ALG13: variants seen among roughly 807,000 people sequenced by gnomAD.
ALG13 encodes the protein UDP-N-acetylglucosamine transferase subunit ALG13.
A neutral mutation model predicts 87.8 loss-of-function variants in ALG13; 11 were observed. That is an observed-to-expected ratio of 0.13 (90% CI 0.08 to 0.21). The LOEUF (loss-of-function observed/expected upper bound fraction) is 0.21, where lower values mean the gene tolerates loss of function less well. ALG13 is among the 10% of genes least tolerant of loss of function. The probability of loss-of-function intolerance (pLI) is 1.00; values close to 1 mark genes in which losing one functional copy is unlikely to be tolerated. For synonymous variants in ALG13, 320 were observed against 306.3 expected (o/e 1.04, Z -0.47); for missense variants, 756 against 866.1 (o/e 0.87, Z 1.60).
intron 3 of ALG13, among the ~76,000 whole-genome samples, chrX:111,706,178 C>A (rs1938729299): frequency 9.0e-6 from 1 of 110,627 alleles, no homozygotes; most frequent in African/African-American, 3.3e-5. Flanking sequence ...TACAGGCGCC[C>A]ACCACCACGC....
chrX:111,747,354 T>C (rs1944334817), intron 24 of ALG13, among the ~76,000 whole-genome samples: 1 of 112,338 alleles, frequency 8.9e-6, no homozygotes, highest in Non-Finnish European at 1.9e-5. Flanking sequence ...CTTAGCAATA[T>C]ATATTTAAGT....
At chrX:111,702,561 C>G (rs1304778659) in intron 3 of ALG13, among the ~76,000 whole-genome samples, 1 of 111,617 alleles carries the variant, frequency 9.0e-6, no homozygotes. Flanking sequence ...TCAAACACAT[C>G]GGGTTATCTA....
intron 3 of ALG13, chrX:111,690,539 A>G (rs1464340516): frequency 1.2e-5 from 3 of 258,238 alleles, no homozygotes; most frequent in African/African-American, 8.9e-5. Flanking sequence ...TGGAACATTT[A>G]AAAGTAGTCA....
chrX:111,728,451 C>A, intron 19 of ALG13, 146 bp downstream of exon 19: 1 of 676,198 alleles, frequency 1.5e-6, no homozygotes, highest in Non-Finnish European at 2.2e-6. Flanking sequence ...TTAATGCTTG[C>A]TGGGTTTTTG....
At chrX:111,740,399 T>C (rs1459642776) in intron 23 of ALG13, among the ~76,000 whole-genome samples, 2 of 111,515 alleles carry the variant, frequency 1.8e-5, no homozygotes, top group East Asian at 5.6e-4. Flanking sequence ...TGAACTTGAA[T>C]TAGAAGTATC....
At chrX:111,705,482 A>G (rs771589977) in intron 3 of ALG13, among the ~76,000 whole-genome samples, 5 of 111,780 alleles carry the variant, frequency 4.5e-5, no homozygotes, top group Non-Finnish European at 9.4e-5. Context: ...TTTAATTTTG[A>G]TAAAATCGAG....
chrX:111,735,198 T>C (rs1943119551), intron 22 of ALG13, 76 bp downstream of exon 22: 2 of 653,772 alleles, frequency 3.1e-6, no homozygotes, highest in African/African-American at 4.4e-5. Context: ...TCATTTACCT[T>C]CATCATACTT....
Position 111,748,864 on chromosome X carries a change from A to G in ALG13, c.2933-3926A>G, listed in dbSNP as rs113314434. 5.6e-3 allele frequency among the ~76,000 whole-genome samples: 626 copies of G among 111,101 alleles called. 7 individuals carry two copies. Among genetic ancestry groups the G allele is most frequent in the African/African-American group, 0.019 (576 of 30,545 alleles). ...TTCGGAAGCCAAGGCAGGCAGATCAATTGAGGTCAGGAGTTCGAGTCCAGC... is the reference window on the plus strand; with the variant it reads ...TTCGGAAGCCAAGGCAGGCAGATCAGTTGAGGTCAGGAGTTCGAGTCCAGC... On this transcript the variant is annotated intron_variant, in intron 24 of 26. Coordinates refer to ENST00000394780, the MANE Select transcript of ALG13 (RefSeq NM_001099922.3).
intron 1 of ALG13, chrX:111,681,576 T>A: frequency 1.0e-6 from 1 of 954,115 alleles, no homozygotes; most frequent in Non-Finnish European, 1.3e-6. Context: ...GCCCCCGCGC[T>A]CTATTCTCCG....
intron 25 of ALG13, among the ~76,000 whole-genome samples, chrX:111,755,861 A>G (rs1266392494): frequency 8.9e-6 from 1 of 112,557 alleles, no homozygotes; most frequent in Non-Finnish European, 1.9e-5. Flanking sequence ...CAGTGTGGTA[A>G]TTCCTCAAGG....
chrX:111,721,553 G>C (rs1349470128), intron 11 of ALG13, 50 bp from the exon 12 acceptor site: 1 of 697,708 alleles, frequency 1.4e-6, no homozygotes. Context: ...CTTCTTCATA[G>C]AAGGAAGACT....
chrX:111,699,254 G>A (rs1411425983), intron 3 of ALG13, among the ~76,000 whole-genome samples: 1 of 108,072 alleles, frequency 9.3e-6, no homozygotes, highest in Non-Finnish European at 1.9e-5. Flanking sequence ...TTTTTTTTTC[G>A]AGTTATTTGA....
rs1431921233 is a variant in ALG13, at chrX:111,701,687, T to G, written c.384-6340T>G. Among the ~76,000 whole-genome samples, 5 of 111,781 alleles carry G rather than the reference T, an allele frequency of 4.5e-5. No individual in the cohort carries two copies. The Admixed American group carries it at 4.7e-4, about 11-fold the overall frequency. ...ATTTTTCTAGTCTCTTTCATTTATTTATGCTCTGATCTTTGTTTCCTTCCT... is the reference window on the plus strand; with the variant it reads ...ATTTTTCTAGTCTCTTTCATTTATTGATGCTCTGATCTTTGTTTCCTTCCT... On this transcript the variant is annotated intron_variant, in intron 3 of 26. Coordinates refer to ENST00000394780, the MANE Select transcript of ALG13 (RefSeq NM_001099922.3).
At chrX:111,731,956 C>A (rs1318294087) in intron 21 of ALG13, among the ~76,000 whole-genome samples, 2 of 111,615 alleles carry the variant, frequency 1.8e-5, no homozygotes, top group Admixed American at 9.5e-5. Context: ...CATCTTAATA[C>A]ACTCGGGTTT....
chrX:111,757,573 C>T lies in ALG13; in HGVS notation c.2974-15C>T. On this transcript the variant is annotated splice_polypyrimidine_tract_variant and intron_variant, in intron 25 of 26. Transcript: ENST00000394780. ...GTGAAGTTTCTTATTTTTTTGTTGC[C>T]CTTTCTTGCTCAAGTGCTATTACCA... The T allele has an allele frequency of 8.6e-7, 1 of 1,167,114 alleles. No homozygotes were observed. The highest frequency in any genetic ancestry group is 1.1e-6 in the Non-Finnish European group (1 of 873,023).
At chrX:111,749,627 T>A (rs916482366) in intron 24 of ALG13, among the ~76,000 whole-genome samples, 1 of 110,246 alleles carries the variant, frequency 9.1e-6, no homozygotes, top group African/African-American at 3.3e-5. Context: ...AGTATACCCG[T>A]CAATTTATTT....
intron 3 of ALG13, among the ~76,000 whole-genome samples, chrX:111,693,260 A>ATT (rs58191343): frequency 1.3e-3 from 86 of 65,323 alleles, no homozygotes; most frequent in Middle Eastern, 0.019. Context: ...GATGCTATTT[A>ATT]TTTTTTTTTT....
At chrX:111,750,295 AT>A (rs1944602111) in intron 24 of ALG13, among the ~76,000 whole-genome samples, 1 of 111,611 alleles carries the variant, frequency 9.0e-6, no homozygotes, top group Admixed American at 9.5e-5. Context: ...TATTCTGGAC[AT>A]TTCATGTAAA....
intron 8 of ALG13, among the ~76,000 whole-genome samples, chrX:111,714,031 T>A (rs1402454861): frequency 8.9e-6 from 1 of 112,062 alleles, no homozygotes; most frequent in South Asian, 3.7e-4. Flanking sequence ...ACAATTCTAA[T>A]GATGGCATGA....
Sources: allele counts gnomAD v4.1 joint callset (sites outside exome capture counted in the v4.1 genomes callset), GRCh38; gene constraint gnomAD v4.1.1; transcripts MANE v1.5; gene names NCBI Gene and HGNC (gene_info 2026-07-23, HGNC 2026-07-21).